TRAPPC9: variants seen among roughly 807,000 people sequenced by gnomAD.
TRAPPC9 encodes the protein IKK2 binding protein.
Under a neutral mutation model 124.0 loss-of-function variants are expected in TRAPPC9, and 83 were observed. That is an observed-to-expected ratio of 0.67 (90% CI 0.56 to 0.80). The LOEUF (loss-of-function observed/expected upper bound fraction) is 0.80, where lower values mean the gene tolerates loss of function less well. TRAPPC9 is among the 30% of genes least tolerant of loss of function. TRAPPC9 has a pLI of 0.00. For missense variants in TRAPPC9, 1,302 were observed against 1,508.3 expected, an observed-to-expected ratio of 0.86 and a Z score of 2.27; for synonymous variants, 638 against 617.5, an observed-to-expected ratio of 1.03 and a Z score of -0.49.
intron 16 of TRAPPC9, among the ~76,000 whole-genome samples, chr8:140,228,685 C>A (rs889974958): frequency 6.6e-6 from 1 of 152,194 alleles, no homozygotes; most frequent in Non-Finnish European, 1.5e-5. Context: ...ACCAGCTGAA[C>A]ACGTGAAATG....
intron 17 of TRAPPC9, among the ~76,000 whole-genome samples, chr8:140,154,617 C>G (rs75733053): frequency 0.066 from 10,044 of 152,250 alleles, 383 homozygotes; most frequent in African/African-American, 0.08. Context: ...AACTCACTAA[C>G]GATTACTCAT....
intron 16 of TRAPPC9, among the ~76,000 whole-genome samples, chr8:140,225,639 C>T (rs1333420066): frequency 6.6e-6 from 1 of 152,146 alleles, no homozygotes; most frequent in Non-Finnish European, 1.5e-5. Context: ...AGCATGTTAC[C>T]CCAGGAACCA....
At chr8:140,317,114 TTCATAA>T (rs1336646161) in intron 9 of TRAPPC9, among the ~76,000 whole-genome samples, 3 of 152,190 alleles carry the variant, frequency 2.0e-5, no homozygotes. Context: ...TATTCTTTTT[TTCATAA>T]TCTAGCTAAA....
At position 140,101,532 on chromosome 8, in the gene TRAPPC9, C is replaced by CTTTTTTTTTTTTTTT. The variant is rs1234280796; in HGVS notation, c.2557-77454_2557-77453insAAAAAAAAAAAAAAA. Among the ~76,000 whole-genome samples, 43 of 78,722 alleles carry CTTTTTTTTTTTTTTT rather than the reference C, an allele frequency of 5.5e-4. 4 individuals carry two copies. The highest frequency in any genetic ancestry group is 9.1e-4 in the East Asian group (2 of 2,206). 51.6% of individuals were successfully genotyped at this position (78,722 alleles called of 152,430 possible). Reference sequence around the variant, plus strand: ...ACTTGGGTTGGTTTTGTAGGGTTTTCTTTTTTTTGTTTTTTTTTTTTTTTT... The same window carrying CTTTTTTTTTTTTTTT: ...ACTTGGGTTGGTTTTGTAGGGTTTTCTTTTTTTTTTTTTTTTTTTTTTTGTTTTTTTTTTTTTTTT... On this transcript the variant is annotated intron_variant, in intron 17 of 22. Transcript: ENST00000438773.
rs1398704831 is a variant in TRAPPC9 at position 139,802,684 on chromosome 8, CTAGTA to C, written c.3056-70487_3056-70483del. On this transcript the variant is annotated intron_variant, in intron 21 of 22. Transcript: ENST00000438773. The stretch of plus-strand genomic sequence containing the variant: ...CTCTCTTTTACGGGCAAGAGATCAA[CTAGTA>C]TTCATTGCTGACGATGATGGGAATG... Among the ~76,000 whole-genome samples the C allele has an allele frequency of 5.3e-5, 8 of 152,350 alleles. No homozygotes were observed. The East Asian group carries it at 1.3e-3, about 26-fold the overall frequency.
intron 20 of TRAPPC9, among the ~76,000 whole-genome samples, chr8:139,906,081 A>T (rs532223317): frequency 4.9e-4 from 75 of 152,156 alleles, no homozygotes; most frequent in African/African-American, 1.8e-3. Flanking sequence ...GTGACAAAGC[A>T]AGACTGCCTC....
At chr8:139,841,632 T>C (rs564176572) in intron 21 of TRAPPC9, among the ~76,000 whole-genome samples, 2 of 152,320 alleles carry the variant, frequency 1.3e-5, no homozygotes, top group South Asian at 4.1e-4. Context: ...CCTCTGTCCC[T>C]GGTGTGGTCA....
chr8:140,450,430 C>T (rs2132700210), intron 2 of TRAPPC9, among the ~76,000 whole-genome samples: 1 of 152,232 alleles, frequency 6.6e-6, no homozygotes, highest in East Asian at 1.9e-4. Context: ...GTTTTATTCA[C>T]AGCCCATCTC....
chr8:139,785,778 A>C (rs1822191041), intron 21 of TRAPPC9, among the ~76,000 whole-genome samples: 1 of 151,996 alleles, frequency 6.6e-6, no homozygotes, highest in Admixed American at 6.6e-5. Context: ...AGACTTAAAC[A>C]TTCCTGATCT....
At chr8:139,978,304 T>C (rs2131644816) in intron 19 of TRAPPC9, among the ~76,000 whole-genome samples, 1 of 152,296 alleles carries the variant, frequency 6.6e-6, no homozygotes, top group East Asian at 1.9e-4. Context: ...TAAACATGGA[T>C]TGAGACATAG....
intron 21 of TRAPPC9, among the ~76,000 whole-genome samples, chr8:139,780,756 T>C (rs1264594552): frequency 6.6e-6 from 1 of 150,790 alleles, no homozygotes; most frequent in Non-Finnish European, 1.5e-5. Context: ...GTAGCAAATA[T>C]ATTCAAAGAT....
rs183648846 is a variant in TRAPPC9 at position 139,884,645 on chromosome 8, C to A, written c.3055+1234G>T. ...TATCTGAGTCTAGGGACACGGCTGACTGTGCTCAGGTCATCAGGAGATAGA... is the reference window on the plus strand; with the variant it reads ...TATCTGAGTCTAGGGACACGGCTGAATGTGCTCAGGTCATCAGGAGATAGA... On this transcript the variant is annotated intron_variant, in intron 21 of 22. Transcript: ENST00000438773. Among the ~76,000 whole-genome samples the A allele has an allele frequency of 4.2e-3, 643 of 152,348 alleles. 3 individuals carry two copies. Among genetic ancestry groups the A allele is most frequent in the African/African-American group, 0.015 (619 of 41,576 alleles).
chr8:140,128,946 G>A (rs2061147868), intron 17 of TRAPPC9, among the ~76,000 whole-genome samples: 1 of 147,254 alleles, frequency 6.8e-6, no homozygotes, highest in Non-Finnish European at 1.5e-5. Context: ...TTGTGCACAT[G>A]TACCCGAGAA....
intron 16 of TRAPPC9, among the ~76,000 whole-genome samples, chr8:140,223,289 C>T (rs771285858): frequency 6.6e-6 from 1 of 152,130 alleles, no homozygotes; most frequent in East Asian, 1.9e-4. Context: ...TCTGCTCCTG[C>T]GTTAGTTTGC....
intron 17 of TRAPPC9, among the ~76,000 whole-genome samples, chr8:140,041,594 G>A (rs1233519916): frequency 6.6e-6 from 1 of 152,236 alleles, no homozygotes; most frequent in Admixed American, 6.5e-5. Context: ...TTCTGCAGGG[G>A]ATGGGGAGAA....
At chr8:140,046,112 G>A (rs1268904291) in intron 17 of TRAPPC9, among the ~76,000 whole-genome samples, 10 of 152,176 alleles carry the variant, frequency 6.6e-5, no homozygotes, top group Admixed American at 6.5e-4. Context: ...AAGAGCTGAG[G>A]GGTCTTGCCC....
rs1588026783 is a variant in TRAPPC9 at position 140,257,583 on chromosome 8, C to A, written c.2279-4654G>T. Among the ~76,000 whole-genome samples the A allele has an allele frequency of 6.6e-6, 1 of 152,216 alleles. No individual in the cohort carries two copies. The highest frequency in any genetic ancestry group is 1.9e-4 in the East Asian group (1 of 5,198). On this transcript the variant is annotated intron_variant, in intron 15 of 22. Coordinates refer to ENST00000438773, the MANE Select transcript of TRAPPC9 (RefSeq NM_001160372.4). The surrounding 1 kb of genome is among the most constrained non-coding windows in gnomAD (Gnocchi z 4.6). Reference sequence around the variant, plus strand: ...TTTCAGAAGTTGACATCTGGTGACACCTCCAATAGACTCCTAGCATGGGGG... The same window carrying A: ...TTTCAGAAGTTGACATCTGGTGACAACTCCAATAGACTCCTAGCATGGGGG...
chr8:140,380,021 A>G (rs2068556463), intron 7 of TRAPPC9, among the ~76,000 whole-genome samples: 1 of 152,188 alleles, frequency 6.6e-6, no homozygotes, highest in African/African-American at 2.4e-5. Flanking sequence ...AACACCTCCA[A>G]TGGATCTACA....
intron 21 of TRAPPC9, among the ~76,000 whole-genome samples, chr8:139,777,961 G>C (rs1386522140): frequency 4.6e-5 from 7 of 152,098 alleles, no homozygotes; most frequent in African/African-American, 1.7e-4. Flanking sequence ...TACTGGAAAG[G>C]AGACAAGAGA....
Sources: gnomAD v4.1 joint callset for allele counts (sites outside exome capture counted in the v4.1 genomes callset) on GRCh38, gnomAD v4.1.1 for gene constraint, Gnocchi (gnomAD v3.1) non-coding constraint, MANE v1.5 for transcripts, NCBI Gene and HGNC (gene_info 2026-07-23, HGNC 2026-07-21) for gene names.